ABCD3: variants seen among roughly 807,000 people sequenced by gnomAD.
ABCD3 encodes the protein ATP binding cassette subfamily D member 3.
ABCD3 carries 41 observed loss-of-function variants against 105.5 expected under a neutral mutation model. That is an observed-to-expected ratio of 0.39 (90% CI 0.30 to 0.50). The LOEUF (loss-of-function observed/expected upper bound fraction) is 0.50, where lower values mean the gene tolerates loss of function less well. Ranked by LOEUF, ABCD3 falls within the 20% of genes least tolerant of loss-of-function variation. The probability of loss-of-function intolerance (pLI) is 0.84; values close to 1 mark genes in which losing one functional copy is unlikely to be tolerated. For synonymous variants in ABCD3, 258 were observed against 269.0 expected (o/e 0.96, Z 0.40); for missense variants, 622 against 806.3 (o/e 0.77, Z 2.77).
At chr1:94,448,377 A>G (rs1660438271) in intron 1 of ABCD3, among the ~76,000 whole-genome samples, 1 of 152,242 alleles carries the variant, frequency 6.6e-6, no homozygotes, top group Non-Finnish European at 1.5e-5. Context: ...AAACTGTTTC[A>G]ATTTTTGAAA....
chr1:94,390,956 G>A, the ABCD3 span, among the ~76,000 whole-genome samples: 4 of 152,182 alleles, frequency 2.6e-5, no homozygotes, highest in African/African-American at 9.7e-5. Context: ...CCTTGATTCA[G>A]AATCAATACA....
chr1:94,507,997 T>G (rs540288576), intron 21 of ABCD3, among the ~76,000 whole-genome samples: 43 of 147,898 alleles, frequency 2.9e-4, no homozygotes, highest in African/African-American at 1.0e-3. Context: ...TTAGTTTAAT[T>G]AGATCCCATT....
At chr1:94,499,402 G>C in intron 19 of ABCD3, 93 bp from the exon 20 acceptor site, 2 of 1,334,792 alleles carry the variant, frequency 1.5e-6, no homozygotes, top group East Asian at 2.4e-5. Context: ...ACAGACAATA[G>C]AATTATAGTG....
intron 13 of ABCD3, among the ~76,000 whole-genome samples, chr1:94,488,285 A>G (rs1470213673): frequency 6.6e-6 from 1 of 152,146 alleles, no homozygotes; most frequent in African/African-American, 2.4e-5. Flanking sequence ...ATGTTTATGA[A>G]TAGAATTTTC....
At chr1:94,452,726 T>TTTTG (rs376897175) in intron 1 of ABCD3, among the ~76,000 whole-genome samples, 37 of 152,250 alleles carry the variant, frequency 2.4e-4, no homozygotes, top group African/African-American at 8.9e-4. Flanking sequence ...TTTTTTGTTT[T>TTTTG]TTTTTGTTTG....
chr1:94,434,886 C>A (rs1182877013), intron 1 of ABCD3, among the ~76,000 whole-genome samples: 1 of 152,176 alleles, frequency 6.6e-6, no homozygotes, highest in Non-Finnish European at 1.5e-5. Flanking sequence ...AATTGCTATC[C>A]TGACTTCTGT....
the ABCD3 span, among the ~76,000 whole-genome samples, chr1:94,400,936 G>A: frequency 3.3e-5 from 5 of 152,124 alleles, no homozygotes; most frequent in Admixed American, 3.3e-4. Flanking sequence ...ATCTGTTAAT[G>A]GATTCATGGA....
At chr1:94,434,803 T>A (rs1036337881) in intron 1 of ABCD3, among the ~76,000 whole-genome samples, 1 of 152,130 alleles carries the variant, frequency 6.6e-6, no homozygotes, top group Non-Finnish European at 1.5e-5. Context: ...AAGAAATAAA[T>A]CTTTGCCAGC....
Position 94,499,496 on chromosome 1 carries a change from T to G in ABCD3, c.1622T>G (p.Val541Gly). The part of the protein sequence containing the change: ...DQKRKGISDL[V>G]LKEYLDNVQL... ...CATCTTTAATCATTTTGCTGAAAGGTACTGAAGGAATACTTAGACAATGTC... is the reference window on the plus strand; with the variant it reads ...CATCTTTAATCATTTTGCTGAAAGGGACTGAAGGAATACTTAGACAATGTC... Residue 541 changes from valine (V) to glycine (G), a missense_variant and splice_region_variant, in exon 20 of 23, where the codon GTA (valine) becomes GGA (glycine). Val to Gly is a moderately radical substitution (Grantham distance 109). Coordinates refer to ENST00000370214, the MANE Select transcript of ABCD3 (RefSeq NM_002858.4). 1.2e-6 allele frequency: 2 copies of G among 1,613,364 alleles called. No homozygotes were observed. The highest frequency in any genetic ancestry group is 1.7e-6 in the Non-Finnish European group (2 of 1,179,446).
Position 94,489,827 on chromosome 1 carries a change from G to A in ABCD3, c.1249+11G>A, listed in dbSNP as rs1205026631. ...CACAACAGGAAAAGGGTAAATATGA[G>A]TGTCACAGTTTAAGGTCACAATTTT... On this transcript the variant is annotated intron_variant, in intron 14 of 22. Coordinates refer to ENST00000370214, the MANE Select transcript of ABCD3 (RefSeq NM_002858.4). The A allele has an allele frequency of 1.9e-6, 3 of 1,612,256 alleles. No individual in the cohort carries two copies. The highest frequency in any genetic ancestry group is 1.3e-5 in the African/African-American group (1 of 74,870).
chr1:94,498,016 C>T (rs982952634), intron 16 of ABCD3, among the ~76,000 whole-genome samples: 1 of 152,010 alleles, frequency 6.6e-6, no homozygotes, highest in Non-Finnish European at 1.5e-5. Flanking sequence ...CAAGAATTCT[C>T]AGTTTTCTAA....
At chr1:94,393,158 T>C in the ABCD3 span, among the ~76,000 whole-genome samples, 5 of 151,906 alleles carry the variant, frequency 3.3e-5, no homozygotes, top group Non-Finnish European at 7.4e-5. Context: ...AGAAAAGTCT[T>C]ATTGTAGATG....
chr1:94,444,708 T>G (rs1326477954), intron 1 of ABCD3, among the ~76,000 whole-genome samples: 1 of 152,222 alleles, frequency 6.6e-6, no homozygotes, highest in East Asian at 1.9e-4. Flanking sequence ...TTTCAGCGAT[T>G]ATCTTTTACC....
intron 16 of ABCD3, among the ~76,000 whole-genome samples, chr1:94,498,383 T>G (rs1189794658): frequency 6.6e-6 from 1 of 152,026 alleles, no homozygotes; most frequent in Non-Finnish European, 1.5e-5. Flanking sequence ...TAATAATTTT[T>G]TAAGTGAAAA....
At chr1:94,392,010 A>T in the ABCD3 span, among the ~76,000 whole-genome samples, 2 of 152,144 alleles carry the variant, frequency 1.3e-5, no homozygotes, top group Admixed American at 6.5e-5. Context: ...TCCTTTCGTT[A>T]CTTGAGCATG....
chr1:94,464,637 AAG>A, intron 2 of ABCD3, 136 bp from the exon 3 acceptor site: 1 of 748,878 alleles, frequency 1.3e-6, no homozygotes, highest in Non-Finnish European at 2.4e-6. Flanking sequence ...GGAGCAGTGT[AAG>A]TATGCAAGTC....
chr1:94,507,729 C>T (rs1414679391), intron 21 of ABCD3, among the ~76,000 whole-genome samples: 2 of 151,830 alleles, frequency 1.3e-5, no homozygotes, highest in Admixed American at 6.6e-5. Context: ...ATTTGCATTT[C>T]TCTGATGGCC....
intron 20 of ABCD3, among the ~76,000 whole-genome samples, chr1:94,503,802 ATTT>A (rs540410687): frequency 1.5e-5 from 2 of 132,146 alleles, no homozygotes; most frequent in South Asian, 2.4e-4. Flanking sequence ...GCTTTTCTGA[ATTT>A]TTTTTTTTTT....
the ABCD3 span, among the ~76,000 whole-genome samples, chr1:94,398,815 G>A: frequency 1.3e-5 from 2 of 152,072 alleles, no homozygotes; most frequent in South Asian, 2.1e-4. Context: ...TCTGGAGGCT[G>A]AGGCAGGAGA....
Sources: gnomAD v4.1 joint callset for allele counts (sites outside exome capture counted in the v4.1 genomes callset) on GRCh38, gnomAD v4.1.1 for gene constraint, MANE v1.5 for transcripts, NCBI Gene and HGNC (gene_info 2026-07-23, HGNC 2026-07-21) for gene names.